Variants in OTOGL observed in about 807,000 individuals in gnomAD.
OTOGL encodes otogelin like.
Under a neutral mutation model 318.5 loss-of-function variants are expected in OTOGL, and 285 were observed. That is an observed-to-expected ratio of 0.89 (90% confidence interval 0.81 to 0.99). The LOEUF (loss-of-function observed/expected upper bound fraction) is 0.99. OTOGL is among the 50% of genes least tolerant of loss of function. The probability of loss-of-function intolerance (pLI) is 0.00; values close to 1 mark genes in which losing one functional copy is unlikely to be tolerated. For synonymous variants in OTOGL, 987 were observed against 936.5 expected (o/e 1.05, Z -0.99); for missense variants, 2,899 against 2,845.6 (o/e 1.02, Z -0.43).
intron 38 of OTOGL, among the ~76,000 whole-genome samples, chr12:80,333,381 A>G (rs1888200581): frequency 6.6e-6 from 1 of 151,486 alleles, no homozygotes; most frequent in Non-Finnish European, 1.5e-5. Context: ...ATTATTAAGC[A>G]TCTACTTGAT....
intron 1 of OTOGL, among the ~76,000 whole-genome samples, chr12:80,160,094 A>G (rs898381294): frequency 6.6e-6 from 1 of 152,182 alleles, no homozygotes; most frequent in Non-Finnish European, 1.5e-5. Flanking sequence ...ACAAAAATCA[A>G]TCTGAGATGG....
intron 1 of OTOGL, among the ~76,000 whole-genome samples, chr12:80,138,935 G>A (rs982602310): frequency 1.3e-5 from 2 of 152,120 alleles, no homozygotes; most frequent in African/African-American, 4.8e-5. Flanking sequence ...TAAACATTTA[G>A]ACTATCTTTC....
intron 7 of OTOGL, among the ~76,000 whole-genome samples, chr12:80,223,768 A>T (rs1239977303): frequency 6.6e-6 from 1 of 151,568 alleles, no homozygotes; most frequent in African/African-American, 2.4e-5. Context: ...TCACTTTTTG[A>T]TGGAATTGTT....
In OTOGL at chr12:80,194,498, G is replaced by T. The variant is rs1875909569; in HGVS notation, c.-19-14915G>T. On this transcript the variant is annotated intron_variant, in intron 1 of 58. Transcript: ENST00000547103. ...GTAATATAAGACTTATTCATATAGG[G>T]AAAATAAACACACTCTAATCCCATA... 3.9e-5 allele frequency among the ~76,000 whole-genome samples: 6 copies of T among 152,116 alleles called. No individual in the cohort carries two copies. The South Asian group carries it at 1.2e-3, about 32-fold the overall frequency.
chr12:80,318,231 A>G (rs1332331529), intron 32 of OTOGL, among the ~76,000 whole-genome samples: 1 of 152,062 alleles, frequency 6.6e-6, no homozygotes, highest in African/African-American at 2.4e-5. Flanking sequence ...GCATGTATTG[A>G]GTTAAATTGG....
rs112229390 is a variant in OTOGL at position 80,286,058 on chromosome 12, T to C, written c.2928+6892T>C. ...TAACATATGTTCCATCAATACCTGA[T>C]TTATTGAGTGTTTTTAGCATAAAGG... On this transcript the variant is annotated intron_variant, in intron 26 of 58. Transcript: ENST00000547103. Among the ~76,000 whole-genome samples the C allele has an allele frequency of 4.4e-3, 664 of 152,320 alleles. 7 individuals carry two copies. Among genetic ancestry groups the C allele is most frequent in the South Asian group, 0.013 (64 of 4,828 alleles).
At chr12:80,152,344 A>G (rs772068377) in intron 1 of OTOGL, among the ~76,000 whole-genome samples, 11 of 152,188 alleles carry the variant, frequency 7.2e-5, no homozygotes, top group Non-Finnish European at 1.5e-4. Flanking sequence ...GCATAAGAAG[A>G]GAAAGCAGAG....
rs577839095 is a variant in OTOGL at position 80,219,087 on chromosome 12, C to T, written c.236-727C>T. ...CTTTGAGTTTTATGCTTTGCCTGATCCCTCAAGTTAATGATTGACCCGATT... is the reference window on the plus strand; with the variant it reads ...CTTTGAGTTTTATGCTTTGCCTGATTCCTCAAGTTAATGATTGACCCGATT... On this transcript the variant is annotated intron_variant, in intron 5 of 58. Coordinates refer to ENST00000547103, the MANE Select transcript of OTOGL (RefSeq NM_001378609.3). Among the ~76,000 whole-genome samples the T allele has an allele frequency of 2.1e-4, 32 of 152,034 alleles. 1 individual carries two copies. In the South Asian group the frequency reaches 6.0e-3, roughly 29 times the overall value.
At chr12:80,160,002 C>T (rs1488123108) in intron 1 of OTOGL, among the ~76,000 whole-genome samples, 3 of 152,008 alleles carry the variant, frequency 2.0e-5, no homozygotes, top group African/African-American at 7.2e-5. Context: ...GGGGAAAGGA[C>T]ACCCTATTCA....
At chr12:80,241,908 C>T (rs907673529) in intron 11 of OTOGL, among the ~76,000 whole-genome samples, 1 of 152,046 alleles carries the variant, frequency 6.6e-6, no homozygotes, top group Admixed American at 6.6e-5. Context: ...AACTGCATCA[C>T]CACTATCATG....
intron 1 of OTOGL, among the ~76,000 whole-genome samples, chr12:80,163,759 G>A (rs949218223): frequency 2.6e-5 from 4 of 152,210 alleles, no homozygotes; most frequent in Admixed American, 6.6e-5. Context: ...AGTTGGGTAT[G>A]TTTTTATGGC....
At position 80,313,543 on chromosome 12, in the gene OTOGL, G is replaced by A. The variant is rs1474925535; in HGVS notation, c.3518G>A (p.Cys1173Tyr). 2 of 1,612,418 alleles carry A rather than the reference G, an allele frequency of 1.2e-6. No individual in the cohort carries two copies. Among genetic ancestry groups the A allele is most frequent in the Non-Finnish European group, 1.7e-6 (2 of 1,178,618 alleles). The change falls in exon 31 of 59, where the codon TGT (cysteine) becomes TAT (tyrosine). Residue 1173 changes from cysteine (C) to tyrosine (Y), a missense_variant. Coordinates refer to ENST00000547103, the MANE Select transcript of OTOGL (RefSeq NM_001378609.3). ...TGTAACTGCAATCTTGGTGGCGACT[G>A]TGAGTGTTTGTGCACTAGTATAGCT... ...DTCNCNLGGD[C>Y]ECLCTSIAAY...
intron 26 of OTOGL, among the ~76,000 whole-genome samples, chr12:80,282,289 T>C (rs1884290161): frequency 6.6e-6 from 1 of 151,952 alleles, no homozygotes; most frequent in Admixed American, 6.6e-5. Flanking sequence ...TATTTAAGCC[T>C]AAGTCAAGAA....
At chr12:80,230,412 T>A (rs995238046) in intron 8 of OTOGL, among the ~76,000 whole-genome samples, 1 of 152,216 alleles carries the variant, frequency 6.6e-6, no homozygotes, top group African/African-American at 2.4e-5. Context: ...AAGAAGATAA[T>A]GCAGTTACAC....
At chr12:80,172,800 C>T (rs755608555) in intron 1 of OTOGL, among the ~76,000 whole-genome samples, 64 of 152,244 alleles carry the variant, frequency 4.2e-4, no homozygotes, top group Non-Finnish European at 4.0e-4. Context: ...ATGAATGGAC[C>T]TGGAAGCCAT....
chr12:80,377,995 GA>G lies in OTOGL; in HGVS notation c.7012del (p.Ile2338LeufsTer9). The G allele has an allele frequency of 6.3e-7, 1 of 1,599,898 alleles. No homozygotes were observed. The highest frequency in any genetic ancestry group is 8.5e-7 in the Non-Finnish European group (1 of 1,171,930). ...TCTGTATTGCTCAGGAAATGGCACT[GA>G]AATTATGTACACTCTCCAGGAACCC... is the stretch of plus-strand genomic sequence containing the variant. ...VPLYCSGNGT[E>X]IMYTLQEPID... On this transcript the variant is annotated frameshift_variant, in exon 59 of 59. Transcript: ENST00000547103. LOFTEE classifies it high-confidence loss of function.
Position 80,137,414 on chromosome 12 carries a change from C to A in OTOGL, c.-20+37809C>A, listed in dbSNP as rs547883146. On this transcript the variant is annotated intron_variant, in intron 1 of 58. Transcript: ENST00000547103. ...TGGTGTTTCAAAAGGATCACTTTAA[C>A]CTGCCTAGACAGTACTTTGATGAAC... Among the ~76,000 whole-genome samples, 13 of 152,118 alleles carry A rather than the reference C, an allele frequency of 8.5e-5. No homozygotes were observed. In the East Asian group the frequency reaches 2.5e-3, roughly 29 times the overall value.
intron 1 of OTOGL, among the ~76,000 whole-genome samples, chr12:80,113,441 G>T (rs769899263): frequency 2.4e-4 from 36 of 152,000 alleles, no homozygotes; most frequent in Admixed American, 5.2e-4. Flanking sequence ...CAGAGATTCT[G>T]GTACGTTGTG....
intron 37 of OTOGL, 40 bp from the exon 38 acceptor site, chr12:80,332,965 T>G: frequency 6.8e-7 from 1 of 1,468,466 alleles, no homozygotes; most frequent in Non-Finnish European, 9.4e-7. Flanking sequence ...GCAAGATAAA[T>G]GCATTCCACT....
Sources: gnomAD v4.1 joint callset for allele counts (sites outside exome capture counted in the v4.1 genomes callset) on GRCh38, gnomAD v4.1.1 for gene constraint, MANE v1.5 for transcripts, NCBI Gene and HGNC (gene_info 2026-07-23, HGNC 2026-07-21) for gene names.